Variants in RNF130 observed in about 807,000 individuals in gnomAD.
RNF130 encodes E3 ubiquitin-protein ligase RNF130.
Under a neutral mutation model 44.6 loss-of-function variants are expected in RNF130, and 21 were observed. The ratio of observed to expected loss-of-function variants is 0.47; its 90% confidence interval spans 0.33 to 0.68. RNF130 has a LOEUF of 0.68. RNF130 is among the 30% of genes least tolerant of loss of function. The pLI, the probability that RNF130 is intolerant of heterozygous loss-of-function variation, is 0.02. For missense variants in RNF130, 479 were observed against 560.6 expected (o/e 0.85, Z 1.47); for synonymous variants, 214 against 210.4 (o/e 1.02, Z -0.15).
chr5:179,993,690 T>A (rs954666122), intron 3 of RNF130, among the ~76,000 whole-genome samples: 1 of 152,186 alleles, frequency 6.6e-6, no homozygotes, highest in Non-Finnish European at 1.5e-5. Context: ...GTTCACTCTA[T>A]TGGTAGTTTC....
At chr5:180,012,995 T>C (rs561625106) in intron 3 of RNF130, 66 bp downstream of exon 3, 280 of 1,512,580 alleles carry the variant, frequency 1.9e-4, no homozygotes, top group South Asian at 5.2e-4. Context: ...GTAAGATGCA[T>C]GGTCACGACA....
At position 180,071,714 on chromosome 5, in the gene RNF130, C is replaced by G; in HGVS notation, c.-12G>C. 1.6e-6 allele frequency: 2 copies of G among 1,261,354 alleles called. No individual in the cohort carries two copies. The highest frequency in any genetic ancestry group is 2.0e-6 in the Non-Finnish European group (2 of 1,004,870). 78.1% of individuals were successfully genotyped at this position (1,261,354 alleles called of 1,614,324 possible). A position where few individuals can be genotyped will look rare whatever the true frequency, so the allele number is the denominator to read the frequency against. On this transcript the variant is annotated 5_prime_UTR_variant, in exon 1 of 9. Coordinates refer to ENST00000521389, the MANE Select transcript of RNF130 (RefSeq NM_018434.6). Reference sequence around the variant, plus strand: ...CCCGCGCAGCTCATCGTCCCTCCGGCAGCCGCCGCTGCTCGCGGACCGGGC... The same window carrying G: ...CCCGCGCAGCTCATCGTCCCTCCGGGAGCCGCCGCTGCTCGCGGACCGGGC...
chr5:179,924,234 G>A (rs777854830), intron 7 of RNF130, among the ~76,000 whole-genome samples: 9 of 152,128 alleles, frequency 5.9e-5, no homozygotes, highest in South Asian at 2.1e-4. Flanking sequence ...GGTGGCTCAC[G>A]CCTGTAATCC....
exon 8 of RNF130, chr5:179,912,475 C>T (rs1204872088): frequency 2.6e-5 from 4 of 152,256 alleles, no homozygotes; most frequent in African/African-American, 9.6e-5. Flanking sequence ...AGATCCCCTC[C>T]TGCAGCTGGC....
chr5:180,014,373 G>A (rs1323619698), intron 2 of RNF130, among the ~76,000 whole-genome samples: 1 of 152,150 alleles, frequency 6.6e-6, no homozygotes, highest in Non-Finnish European at 1.5e-5. Flanking sequence ...GAAGCTGCCG[G>A]TGGCAACATG....
intron 3 of RNF130, among the ~76,000 whole-genome samples, chr5:180,005,721 G>A (rs532408010): frequency 6.6e-6 from 1 of 152,214 alleles, no homozygotes; most frequent in South Asian, 2.1e-4. Context: ...TCTGTGAAGT[G>A]TCCTTGACTC....
intron 7 of RNF130, among the ~76,000 whole-genome samples, chr5:179,935,779 A>AC (rs1436303007): frequency 8.1e-6 from 1 of 123,344 alleles, no homozygotes; most frequent in Non-Finnish European, 1.8e-5. Context: ...AGATCATTTT[A>AC]CTTTTTTTTT....
chr5:180,039,080 T>C (rs1764344645), intron 2 of RNF130, among the ~76,000 whole-genome samples: 1 of 152,218 alleles, frequency 6.6e-6, no homozygotes, highest in African/African-American at 2.4e-5. Flanking sequence ...AATTTTCTTT[T>C]GCTTTCCCTG....
At chr5:180,012,655 C>T (rs1243472961) in intron 3 of RNF130, among the ~76,000 whole-genome samples, 2 of 152,116 alleles carry the variant, frequency 1.3e-5, no homozygotes, top group African/African-American at 4.8e-5. Context: ...TAATACTTTC[C>T]CAGTTCAAAA....
chr5:179,936,672 GA>G (rs1474140508), intron 7 of RNF130, among the ~76,000 whole-genome samples: 1 of 152,046 alleles, frequency 6.6e-6, no homozygotes, highest in Non-Finnish European at 1.5e-5. Context: ...TCTCTTTATT[GA>G]AAAAGGAAAA....
At chr5:180,044,755 C>T (rs949083222) in intron 1 of RNF130, among the ~76,000 whole-genome samples, 5 of 152,048 alleles carry the variant, frequency 3.3e-5, no homozygotes, top group African/African-American at 1.2e-4. Context: ...TTGCTTGAAC[C>T]CAGGAGGCGG....
chr5:179,961,890 T>C (rs759112319), intron 8 of RNF130, among the ~76,000 whole-genome samples: 3 of 152,232 alleles, frequency 2.0e-5, no homozygotes, highest in African/African-American at 4.8e-5. Context: ...TGCAGTGGCA[T>C]TGGCTTGGCT....
chr5:179,998,919 A>G (rs1204421748), intron 3 of RNF130, among the ~76,000 whole-genome samples: 1 of 139,934 alleles, frequency 7.1e-6, no homozygotes, highest in Non-Finnish European at 1.5e-5. Context: ...TGTTGGGTGT[A>G]TATATATTTA....
At chr5:179,997,482 C>T (rs976507755) in intron 3 of RNF130, among the ~76,000 whole-genome samples, 1 of 152,112 alleles carries the variant, frequency 6.6e-6, no homozygotes, top group Non-Finnish European at 1.5e-5. Flanking sequence ...CACCACCACA[C>T]CCGGCTAATT....
At chr5:179,998,857 T>TATATATATATATATATATATGTA (rs1554103671) in intron 3 of RNF130, among the ~76,000 whole-genome samples, 1 of 65,232 alleles carries the variant, frequency 1.5e-5, no homozygotes, top group Non-Finnish European at 3.0e-5. Flanking sequence ...ATCTAGTATT[T>TATATATATATATATATATATGTA]TTTATATATA....
intron 2 of RNF130, among the ~76,000 whole-genome samples, chr5:180,019,137 C>T (rs946205004): frequency 1.3e-5 from 2 of 152,292 alleles, no homozygotes; most frequent in Middle Eastern, 3.4e-3. Flanking sequence ...GTAATCCCAG[C>T]ACTTTGGGAG....
At chr5:180,037,115 G>A (rs2113133487) in intron 2 of RNF130, among the ~76,000 whole-genome samples, 1 of 152,306 alleles carries the variant, frequency 6.6e-6, no homozygotes, top group Admixed American at 6.5e-5. Flanking sequence ...TTAATCCACT[G>A]ACAGTTAACT....
At chr5:179,941,021 C>T (rs765176112) in intron 7 of RNF130, among the ~76,000 whole-genome samples, 1 of 152,106 alleles carries the variant, frequency 6.6e-6, no homozygotes, top group Non-Finnish European at 1.5e-5. Flanking sequence ...AATTATTTTT[C>T]AGTCCTCGCA....
intron 7 of RNF130, chr5:179,933,916 G>C (rs893119043): frequency 1.7e-6 from 1 of 582,842 alleles, no homozygotes; most frequent in Non-Finnish European, 3.1e-6. Flanking sequence ...GTCAGAATGG[G>C]AGCAGACTGT....
Sources: gnomAD v4.1 joint callset for allele counts (sites outside exome capture counted in the v4.1 genomes callset) on GRCh38, gnomAD v4.1.1 for gene constraint, MANE v1.5 for transcripts, NCBI Gene and HGNC (gene_info 2026-07-23, HGNC 2026-07-21) for gene names.